NAV2: variants seen among roughly 807,000 people sequenced by gnomAD.
NAV2 encodes helicase, APC down-regulated 1.
In NAV2, 54 loss-of-function variants were observed where a neutral mutation model predicts 223.2. The observed-to-expected ratio is 0.24, with a 90% CI of 0.19 to 0.30. The LOEUF is 0.30. Among genes scored for constraint, NAV2 ranks in the 10% least tolerant of loss-of-function variants. NAV2 has a pLI of 1.00. For synonymous variants in NAV2, 1,279 were observed against 1,239.3 expected, an observed-to-expected ratio of 1.03 and a Z score of -0.67; for missense variants, 2,806 against 3,147.5, an observed-to-expected ratio of 0.89 and a Z score of 2.60.
intron 1 of NAV2, among the ~76,000 whole-genome samples, chr11:19,659,402 T>C (rs1040876376): frequency 6.6e-6 from 1 of 152,074 alleles, no homozygotes; most frequent in African/African-American, 2.4e-5. Context: ...TTTGGTGCAA[T>C]GGGAAGGCAT....
chr11:19,870,573 A>G (rs1167667583), intron 4 of NAV2, among the ~76,000 whole-genome samples: 1 of 151,992 alleles, frequency 6.6e-6, no homozygotes, highest in Non-Finnish European at 1.5e-5. Context: ...CTTCTGCCTC[A>G]TTTGTTCTCC....
chr11:19,790,481 C>T (rs1332443975), intron 1 of NAV2, among the ~76,000 whole-genome samples: 1 of 152,150 alleles, frequency 6.6e-6, no homozygotes, highest in Non-Finnish European at 1.5e-5. Context: ...TAGGGTAGTA[C>T]AGTAAGCACA....
intron 1 of NAV2, among the ~76,000 whole-genome samples, chr11:19,400,073 G>A (rs1008367868): frequency 6.6e-6 from 1 of 152,156 alleles, no homozygotes; most frequent in Admixed American, 6.5e-5. Context: ...GAGTACATTT[G>A]GGAAGCTGTA....
chr11:20,045,647 T>C lies in NAV2; in HGVS notation c.3879T>C (p.Asp1293=). Residue 1293 remains aspartate (D), a synonymous_variant, in exon 14 of 38, where the codon GAT becomes GAC. Transcript: ENST00000349880. ...TCCAGCCTGGAGCCAAGTACCCAGA[T>C]GTGGCCTCTCCCACACTCCGCAGGT... The part of the protein sequence containing the change: ...TSLQPGAKYP[D]VASPTLRRLF... 1 of 1,614,056 alleles carries C rather than the reference T, an allele frequency of 6.2e-7. No homozygotes were observed.
chr11:19,932,831 A>G (rs180821258), intron 6 of NAV2, among the ~76,000 whole-genome samples: 1 of 152,298 alleles, frequency 6.6e-6, no homozygotes, highest in East Asian at 1.9e-4. Context: ...GAAACAGGCT[A>G]TGGGATGAAT....
chr11:19,514,647 G>A (rs1318267851), intron 1 of NAV2, among the ~76,000 whole-genome samples: 1 of 152,152 alleles, frequency 6.6e-6, no homozygotes, highest in Non-Finnish European at 1.5e-5. Context: ...TGCCTCGGTG[G>A]GGCTCACAAA....
chr11:19,897,984 G>GATTTTCA (rs528287569), intron 6 of NAV2, among the ~76,000 whole-genome samples: 238 of 150,684 alleles, frequency 1.6e-3, no homozygotes, highest in African/African-American at 5.5e-3. Context: ...CAGAATCACA[G>GATTTTCA]ATTTTCAGGG....
intron 1 of NAV2, among the ~76,000 whole-genome samples, chr11:19,467,018 C>CACAG (rs982297137): frequency 2.3e-4 from 19 of 82,440 alleles, no homozygotes; most frequent in Middle Eastern, 5.1e-3. Context: ...CACACACACA[C>CACAG]AGAGAGAGAG....
At chr11:19,837,296 G>A (rs1362689331) in intron 2 of NAV2, among the ~76,000 whole-genome samples, 1 of 152,182 alleles carries the variant, frequency 6.6e-6, no homozygotes, top group African/African-American at 2.4e-5. Context: ...GACTCTACAG[G>A]AGAACGCTGA....
chr11:19,528,246 G>A (rs2043907208), intron 1 of NAV2, among the ~76,000 whole-genome samples: 1 of 152,210 alleles, frequency 6.6e-6, no homozygotes, highest in African/African-American at 2.4e-5. Context: ...GTTTGAGGAA[G>A]ATCTTTTGCA....
At chr11:19,397,414 T>TGCGCGCGC (rs1849498273) in intron 1 of NAV2, among the ~76,000 whole-genome samples, 1 of 144,706 alleles carries the variant, frequency 6.9e-6, no homozygotes, top group Admixed American at 6.9e-5. Context: ...TGTGTGTGTG[T>TGCGCGCGC]GTGTGCGCGC....
chr11:19,615,928 T>C (rs1192187338), intron 1 of NAV2, among the ~76,000 whole-genome samples: 2 of 152,146 alleles, frequency 1.3e-5, no homozygotes, highest in Admixed American at 1.3e-4. Context: ...TCCTGACCTG[T>C]AGCCAGCCCC....
chr11:19,575,542 C>T (rs1415805913), intron 1 of NAV2, among the ~76,000 whole-genome samples: 8 of 152,184 alleles, frequency 5.3e-5, no homozygotes, highest in Admixed American at 2.0e-4. Context: ...TCTCTGTACC[C>T]GCAGGAGAAG....
intron 1 of NAV2, among the ~76,000 whole-genome samples, chr11:19,422,449 A>G (rs1348880399): frequency 6.6e-6 from 1 of 152,180 alleles, no homozygotes; most frequent in Non-Finnish European, 1.5e-5. Context: ...GCTGAAAGAA[A>G]GGGAAGGAAT....
At position 20,069,049 on chromosome 11, in the gene NAV2, G is replaced by A. The variant is rs188432396; in HGVS notation, c.4983+651G>A. Reference sequence around the variant, plus strand: ...GAGGTGGCAGTGGGAATATCTAGGGGGAGCACCTAGCTCACTCTTGGTGGG... The same window carrying A: ...GAGGTGGCAGTGGGAATATCTAGGGAGAGCACCTAGCTCACTCTTGGTGGG... On this transcript the variant is annotated intron_variant, in intron 22 of 37. Transcript: ENST00000349880. Among the ~76,000 whole-genome samples, 11 of 151,864 alleles carry A rather than the reference G, an allele frequency of 7.2e-5. No homozygotes were observed. In the East Asian group the frequency reaches 1.7e-3, roughly 24 times the overall value.
At chr11:19,991,256 G>T (rs1440820668) in intron 11 of NAV2, among the ~76,000 whole-genome samples, 1 of 152,140 alleles carries the variant, frequency 6.6e-6, no homozygotes, top group Non-Finnish European at 1.5e-5. Flanking sequence ...CTCCCAAGTA[G>T]CTGGGATTAC....
intron 22 of NAV2, among the ~76,000 whole-genome samples, chr11:20,076,246 G>A (rs553478585): frequency 8.6e-5 from 13 of 151,518 alleles, no homozygotes; most frequent in Non-Finnish European, 1.5e-5. Context: ...TCTAAATCCT[G>A]TTCCCTTCCC....
intron 2 of NAV2, among the ~76,000 whole-genome samples, chr11:19,841,694 A>G (rs541173709): frequency 5.9e-5 from 9 of 152,274 alleles, no homozygotes; most frequent in Admixed American, 4.6e-4. Flanking sequence ...AGGACATGGG[A>G]TTGCAGAGGG....
chr11:19,457,292 G>T (rs911326505), intron 1 of NAV2, among the ~76,000 whole-genome samples: 1 of 152,192 alleles, frequency 6.6e-6, no homozygotes, highest in African/African-American at 2.4e-5. Flanking sequence ...GACATACTTG[G>T]CTAATTCACA....
Sources: allele counts gnomAD v4.1 joint callset (sites outside exome capture counted in the v4.1 genomes callset), GRCh38; gene constraint gnomAD v4.1.1; transcripts MANE v1.5; gene names NCBI Gene and HGNC (gene_info 2026-07-23, HGNC 2026-07-21).